Variants in KIF26B observed in about 807,000 individuals in gnomAD.
KIF26B encodes the protein kinesin-like protein KIF26B.
In KIF26B, 63 loss-of-function variants were observed where a neutral mutation model predicts 151.2. That is an observed-to-expected ratio of 0.42 (90% CI 0.34 to 0.51). The LOEUF is 0.51. Ranked by LOEUF, KIF26B falls within the 20% of genes least tolerant of loss-of-function variation. The pLI is 0.07. For missense variants in KIF26B, 2,813 were observed against 2,913.6 expected (o/e 0.97, Z 0.79); for synonymous variants, 1,357 against 1,262.1 (o/e 1.08, Z -1.59).
At chr1:245,190,132 A>G (rs894170146) in intron 2 of KIF26B, among the ~76,000 whole-genome samples, 4 of 152,150 alleles carry the variant, frequency 2.6e-5, no homozygotes, top group Admixed American at 6.5e-5. Context: ...TGAGAACAGT[A>G]TGGGGAAACT....
intron 2 of KIF26B, among the ~76,000 whole-genome samples, chr1:245,219,113 GC>G: frequency 7.2e-6 from 1 of 139,054 alleles, no homozygotes; most frequent in African/African-American, 2.7e-5. Context: ...ACAGGAGGTA[GC>G]AAATACCTAC....
At chr1:245,661,909 T>TACACAC (rs61090060) in intron 10 of KIF26B, among the ~76,000 whole-genome samples, 6 of 37,386 alleles carry the variant, frequency 1.6e-4, no homozygotes, top group African/African-American at 6.2e-4. Context: ...ATGATATACA[T>TACACAC]ACACACACTC....
intron 4 of KIF26B, among the ~76,000 whole-genome samples, chr1:245,523,598 G>A (rs1661179010): frequency 6.6e-6 from 1 of 152,198 alleles, no homozygotes; most frequent in African/African-American, 2.4e-5. Flanking sequence ...TTCACAGATG[G>A]TGCCTTCTCG....
At chr1:245,622,031 C>T (rs2043668912) in intron 9 of KIF26B, among the ~76,000 whole-genome samples, 1 of 152,234 alleles carries the variant, frequency 6.6e-6, no homozygotes, top group South Asian at 2.1e-4. Context: ...CAGAATTGGT[C>T]TCTGTCTTTG....
chr1:245,386,123 C>T (rs562208461), intron 3 of KIF26B, among the ~76,000 whole-genome samples: 125 of 152,218 alleles, frequency 8.2e-4, no homozygotes, highest in African/African-American at 2.9e-3. Context: ...CACCTGTAAT[C>T]CCAGCTACTC....
At chr1:245,365,517 C>CCG (rs1672926041) in intron 2 of KIF26B, among the ~76,000 whole-genome samples, 1 of 151,002 alleles carries the variant, frequency 6.6e-6, no homozygotes, top group African/African-American at 2.5e-5. Flanking sequence ...CACAACTCCC[C>CCG]CCCACCAGCC....
chr1:245,182,685 G>A (rs1668927922), intron 2 of KIF26B, among the ~76,000 whole-genome samples: 1 of 152,118 alleles, frequency 6.6e-6, no homozygotes, highest in Non-Finnish European at 1.5e-5. Flanking sequence ...GCCCAGGCTG[G>A]AGTGCAGTGG....
intron 5 of KIF26B, among the ~76,000 whole-genome samples, chr1:245,595,708 A>G (rs2043330983): frequency 6.6e-6 from 1 of 151,992 alleles, no homozygotes; most frequent in African/African-American, 2.4e-5. Context: ...CTCTTTTTCT[A>G]TAGTTTGGAA....
In KIF26B at chr1:245,688,842, G is replaced by A. The variant is rs1572207223; in HGVS notation, c.5824+35G>A. 3.3e-6 allele frequency: 5 copies of A among 1,529,290 alleles called. No individual in the cohort carries two copies. In the African/African-American group the frequency reaches 4.2e-5, roughly 13 times the overall value. The allele number at this position is 1,529,290 out of a possible 1,614,324, so 94.7% of individuals were successfully genotyped here. A position where few individuals can be genotyped will look rare whatever the true frequency, so the allele number is the denominator to read the frequency against. On this transcript the variant is annotated intron_variant, in intron 12 of 14. Coordinates refer to ENST00000407071, the MANE Select transcript of KIF26B (RefSeq NM_018012.4). ...TGGGCGCAGGGACGCGGGTGAGGAG[G>A]GCGGCAGGTGGGCGAGCTGCCCAAA...
intron 3 of KIF26B, among the ~76,000 whole-genome samples, chr1:245,397,664 G>A (rs1415771422): frequency 1.3e-5 from 2 of 152,220 alleles, no homozygotes; most frequent in Non-Finnish European, 2.9e-5. Flanking sequence ...TTAAAATTGT[G>A]TAGTAAGTGG....
chr1:245,442,760 GCGGT>G (rs1659141122), intron 4 of KIF26B, among the ~76,000 whole-genome samples: 2 of 129,700 alleles, frequency 1.5e-5, no homozygotes, highest in East Asian at 2.2e-4. Context: ...TTCACCTACA[GCGGT>G]CATCTCCCTC....
chr1:245,372,789 G>T (rs1012367335), intron 3 of KIF26B, among the ~76,000 whole-genome samples: 1 of 152,200 alleles, frequency 6.6e-6, no homozygotes, highest in Admixed American at 6.5e-5. Flanking sequence ...GAATGCACCT[G>T]TGTAGGATGG....
intron 3 of KIF26B, among the ~76,000 whole-genome samples, chr1:245,382,493 T>G (rs1367729851): frequency 2.6e-5 from 4 of 152,090 alleles, no homozygotes; most frequent in African/African-American, 9.7e-5. Context: ...CTAAAAGAAA[T>G]AAATTGTTTT....
At chr1:245,429,665 T>C (rs905024413) in intron 4 of KIF26B, among the ~76,000 whole-genome samples, 4 of 152,192 alleles carry the variant, frequency 2.6e-5, no homozygotes, top group African/African-American at 9.7e-5. Context: ...CCAGCCCAGA[T>C]TGCAGTGGCA....
intron 2 of KIF26B, among the ~76,000 whole-genome samples, chr1:245,185,232 G>A (rs1028463289): frequency 1.3e-5 from 2 of 151,556 alleles, no homozygotes; most frequent in African/African-American, 2.4e-5. Flanking sequence ...TCTGCCCCCC[G>A]GGTTCCAGCG....
intron 10 of KIF26B, among the ~76,000 whole-genome samples, chr1:245,662,197 A>C (rs1053596106): frequency 6.6e-6 from 1 of 150,472 alleles, no homozygotes; most frequent in Non-Finnish European, 1.5e-5. Flanking sequence ...ATATATACCC[A>C]ATGATATATA....
At chr1:245,169,788 C>A (rs952565428) in intron 2 of KIF26B, among the ~76,000 whole-genome samples, 2 of 152,016 alleles carry the variant, frequency 1.3e-5, no homozygotes, top group African/African-American at 4.8e-5. Flanking sequence ...ATTAGGGATC[C>A]TCCATAATGC....
chr1:245,608,083 C>T (rs902224968), intron 7 of KIF26B, among the ~76,000 whole-genome samples: 4 of 152,098 alleles, frequency 2.6e-5, no homozygotes, highest in African/African-American at 9.7e-5. Context: ...GGGCCCCTTG[C>T]ACCACCGCAC....
At chr1:245,654,765 G>T (rs569668045) in intron 10 of KIF26B, among the ~76,000 whole-genome samples, 1 of 152,160 alleles carries the variant, frequency 6.6e-6, no homozygotes, top group African/African-American at 2.4e-5. Context: ...TCCATCTCCC[G>T]CCCCTCCTGG....
Sources: gnomAD v4.1 joint callset for allele counts (sites outside exome capture counted in the v4.1 genomes callset) on GRCh38, gnomAD v4.1.1 for gene constraint, MANE v1.5 for transcripts, NCBI Gene and HGNC (gene_info 2026-07-23, HGNC 2026-07-21) for gene names.